Variants in IGF2BP3 observed in about 807,000 individuals in gnomAD.
IGF2BP3 encodes insulin-like growth factor 2 mRNA-binding protein 3.
In IGF2BP3, 9 loss-of-function variants were observed where a neutral mutation model predicts 73.8. That is an observed-to-expected ratio of 0.12 (90% CI 0.07 to 0.21). The LOEUF (loss-of-function observed/expected upper bound fraction) is 0.21, where lower values mean the gene tolerates loss of function less well. IGF2BP3 is among the 10% of genes least tolerant of loss of function. The pLI is 1.00. For missense variants in IGF2BP3, 542 were observed against 714.0 expected (o/e 0.76, Z 2.75); for synonymous variants, 258 against 256.7 (o/e 1.01, Z -0.05).
chr7:23,452,068 G>C (rs2128548792), intron 2 of IGF2BP3, among the ~76,000 whole-genome samples: 1 of 151,142 alleles, frequency 6.6e-6, no homozygotes, highest in African/African-American at 2.4e-5. Context: ...ACAGTGGCGT[G>C]ATATCAGCTC....
chr7:23,451,939 TAAA>T (rs61131297), intron 2 of IGF2BP3, among the ~76,000 whole-genome samples: 4 of 131,792 alleles, frequency 3.0e-5, no homozygotes, highest in Non-Finnish European at 3.3e-5. Context: ...CAGAGCAAGA[TAAA>T]AAAAAAAAAA....
At chr7:23,328,841 C>G (rs541116777) in intron 10 of IGF2BP3, among the ~76,000 whole-genome samples, 1 of 152,114 alleles carries the variant, frequency 6.6e-6, no homozygotes, top group African/African-American at 2.4e-5. Flanking sequence ...TGACAGAAGC[C>G]CAGTGAAAAG....
At chr7:23,317,475 G>A (rs1385084182) in intron 12 of IGF2BP3, among the ~76,000 whole-genome samples, 164 bp downstream of exon 12, 1 of 152,122 alleles carries the variant, frequency 6.6e-6, no homozygotes. Context: ...AAAGACTTTT[G>A]GTTAATTTCG....
chr7:23,377,226 T>C (rs1191396180), intron 3 of IGF2BP3, among the ~76,000 whole-genome samples: 1 of 152,186 alleles, frequency 6.6e-6, no homozygotes, highest in East Asian at 1.9e-4. Flanking sequence ...GCAAATCATA[T>C]ATCTGATAAG....
chr7:23,347,609 T>A lies in IGF2BP3; in HGVS notation c.809A>T (p.Asp270Val), dbSNP rs148506805. 1.7e-5 allele frequency: 27 copies of A among 1,613,538 alleles called. No individual in the cohort carries two copies. In the African/African-American group the frequency reaches 3.3e-4, roughly 20 times the overall value. The change falls in exon 7 of 15, where the codon GAT (aspartate) becomes GTT (valine). Residue 270 changes from aspartate to valine, a missense_variant. By Grantham distance (152) the Asp-to-Val change is radical (BLOSUM62 -3). Transcript: ENST00000258729. Reference protein sequence around the residue: ...ILEIMHKEAQDIKFTEEIPLK... With the variant: ...ILEIMHKEAQVIKFTEEIPLK... ...AATCTTCTTTACTCACAATTTTATA[T>A]CTTGAGCTTCCTTATGCATAATCTC...
intron 2 of IGF2BP3, among the ~76,000 whole-genome samples, chr7:23,421,159 G>A (rs1169580854): frequency 2.0e-5 from 3 of 151,948 alleles, no homozygotes; most frequent in Non-Finnish European, 4.4e-5. Context: ...GCAGGCATGC[G>A]CCATCACACC....
At chr7:23,396,434 C>CACAA (rs1456001611) in intron 3 of IGF2BP3, 3 of 171,026 alleles carry the variant, frequency 1.8e-5, no homozygotes, top group African/African-American at 7.1e-5. Context: ...CACACACACA[C>CACAA]AATGCTAAGT....
chr7:23,383,021 G>A (rs1043275448), intron 3 of IGF2BP3, among the ~76,000 whole-genome samples: 4 of 151,704 alleles, frequency 2.6e-5, no homozygotes, highest in African/African-American at 9.7e-5. Context: ...GAGCTATGAT[G>A]GCGCCATTGC....
At chr7:23,443,400 CAGG>C (rs1787982949) in intron 2 of IGF2BP3, among the ~76,000 whole-genome samples, 1 of 152,064 alleles carries the variant, frequency 6.6e-6, no homozygotes, top group South Asian at 2.1e-4. Flanking sequence ...GCTGGGATTA[CAGG>C]CATGAGCCAC....
intron 2 of IGF2BP3, among the ~76,000 whole-genome samples, chr7:23,451,412 G>A (rs950104150): frequency 6.6e-6 from 1 of 151,480 alleles, no homozygotes; most frequent in Admixed American, 6.6e-5. Flanking sequence ...GCAAGACTCT[G>A]TCTCAAAAAA....
At chr7:23,339,011 T>C (rs904493868) in intron 10 of IGF2BP3, among the ~76,000 whole-genome samples, 2 of 152,250 alleles carry the variant, frequency 1.3e-5, no homozygotes, top group Non-Finnish European at 2.9e-5. Flanking sequence ...GTCCATGTTG[T>C]TGTATTCCTT....
intron 3 of IGF2BP3, among the ~76,000 whole-genome samples, chr7:23,392,945 A>G (rs951281569): frequency 6.6e-6 from 1 of 152,198 alleles, no homozygotes; most frequent in Non-Finnish European, 1.5e-5. Context: ...TCTAATTTAA[A>G]AAATTAAAGT....
At position 23,359,270 on chromosome 7, in the gene IGF2BP3, T is replaced by G. The variant is rs556480169; in HGVS notation, c.401+2264A>C. On this transcript the variant is annotated intron_variant, in intron 5 of 14. Coordinates refer to ENST00000258729, the MANE Select transcript of IGF2BP3 (RefSeq NM_006547.3). The stretch of plus-strand genomic sequence containing the variant: ...TTGCAGTCTTAATGCTTTGTTTTTT[T>G]GTTTTTAAAGGAGGAAGGCTAAAAT... 1.2e-3 allele frequency among the ~76,000 whole-genome samples: 177 copies of G among 152,356 alleles called. 2 individuals are homozygous for G. In the South Asian group the frequency reaches 0.035, roughly 30 times the overall value.
intron 3 of IGF2BP3, among the ~76,000 whole-genome samples, chr7:23,384,551 T>C (rs774511345): frequency 4.6e-5 from 7 of 152,122 alleles, no homozygotes; most frequent in Non-Finnish European, 7.4e-5. Context: ...CTTTTCCAAT[T>C]ATGCAGCCCT....
At chr7:23,347,399 C>T (rs1399701605) in intron 7 of IGF2BP3, among the ~76,000 whole-genome samples, 1 of 152,118 alleles carries the variant, frequency 6.6e-6, no homozygotes, top group Non-Finnish European at 1.5e-5. Flanking sequence ...TCACCACTCG[C>T]CTATGTTCAA....
intron 2 of IGF2BP3, among the ~76,000 whole-genome samples, chr7:23,426,486 AG>A (rs1328671481): frequency 6.6e-6 from 1 of 152,192 alleles, no homozygotes; most frequent in African/African-American, 2.4e-5. Flanking sequence ...TATTCAGATA[AG>A]ATCCATATGT....
At chr7:23,454,911 T>C (rs1788281024) in intron 2 of IGF2BP3, among the ~76,000 whole-genome samples, 1 of 152,242 alleles carries the variant, frequency 6.6e-6, no homozygotes. Flanking sequence ...AAAAATTACA[T>C]GGGCTCAGTC....
At chr7:23,365,034 C>T (rs781177997) in intron 3 of IGF2BP3, among the ~76,000 whole-genome samples, 12 of 151,990 alleles carry the variant, frequency 7.9e-5, no homozygotes, top group Non-Finnish European at 2.9e-5. Context: ...GCAGTGGTGG[C>T]GCATGCCTGT....
chr7:23,343,922 C>T (rs1397941740), intron 8 of IGF2BP3, 69 bp from the exon 9 acceptor site: 3 of 1,522,974 alleles, frequency 2.0e-6, no homozygotes, highest in African/African-American at 2.8e-5. Flanking sequence ...AATTCAGCCA[C>T]AGACGGCAAT....
Sources: gnomAD v4.1 joint callset for allele counts (sites outside exome capture counted in the v4.1 genomes callset) on GRCh38, gnomAD v4.1.1 for gene constraint, MANE v1.5 for transcripts, NCBI Gene and HGNC (gene_info 2026-07-23, HGNC 2026-07-21) for gene names.